The following MACC1 variants were observed in gnomAD, a reference collection of about 807,000 sequenced individuals.
MACC1 encodes the protein MET transcriptional regulator MACC1.
MACC1 carries 79 observed loss-of-function variants against 70.7 expected under a neutral mutation model. The ratio of observed to expected loss-of-function variants is 1.12; its 90% CI spans 0.93 to 1.35. The LOEUF is 1.35. MACC1 is among the 40% of genes most tolerant of loss of function. The probability of loss-of-function intolerance (pLI) is 0.00; values close to 1 mark genes in which losing one functional copy is unlikely to be tolerated. For missense variants in MACC1, 1,106 were observed against 978.1 expected, an observed-to-expected ratio of 1.13 and a Z score of -1.74; for synonymous variants, 361 against 347.2, an observed-to-expected ratio of 1.04 and a Z score of -0.44.
intron 1 of MACC1, among the ~76,000 whole-genome samples, chr7:20,174,209 C>A (rs1782358262): frequency 6.6e-6 from 1 of 152,038 alleles, no homozygotes; most frequent in Non-Finnish European, 1.5e-5. Context: ...TGTATAAAGA[C>A]AAAGAGACAG....
chr7:20,210,051 T>A (rs1432385759), intron 1 of MACC1, among the ~76,000 whole-genome samples: 1 of 152,170 alleles, frequency 6.6e-6, no homozygotes, highest in African/African-American at 2.4e-5. Flanking sequence ...AGTGAGACAA[T>A]TAAGCCTCTT....
chr7:20,139,974 A>G lies in MACC1; in HGVS notation c.*972T>C, dbSNP rs1000921037. ...AAGTTTCTGGTGGTGGTGGTTTTTA[A>G]TAACTCGTATTATTAAAAATCTCCA... On this transcript the variant is annotated 3_prime_UTR_variant, in exon 7 of 7. Coordinates refer to ENST00000400331, the MANE Select transcript of MACC1 (RefSeq NM_182762.4). 1.3e-5 allele frequency: 2 copies of G among 152,142 alleles called. No individual in the cohort carries two copies. Among genetic ancestry groups the G allele is most frequent in the African/African-American group, 4.8e-5 (2 of 41,414 alleles). 9.4% of individuals were successfully genotyped at this position (152,142 alleles called of 1,614,324 possible).
At chr7:20,175,899 A>G (rs1782384479) in intron 1 of MACC1, among the ~76,000 whole-genome samples, 1 of 152,124 alleles carries the variant, frequency 6.6e-6, no homozygotes, top group Admixed American at 6.6e-5. Flanking sequence ...AACAATAATA[A>G]AAATATTTCC....
chr7:20,179,496 T>C (rs1221267172), intron 1 of MACC1, among the ~76,000 whole-genome samples: 1 of 152,174 alleles, frequency 6.6e-6, no homozygotes, highest in Admixed American at 6.6e-5. Context: ...CCATTGGGCT[T>C]CTTAGGTCAC....
chr7:20,141,180 TG>T, intron 6 of MACC1, 22 bp from the exon 7 acceptor site: 1 of 1,483,040 alleles, frequency 6.7e-7, no homozygotes. Flanking sequence ...AAAAATAGAT[TG>T]GAGTAGTGTG....
chr7:20,200,112 A>G lies in MACC1; in HGVS notation c.-218+17187T>C, dbSNP rs895012533. On this transcript the variant is annotated intron_variant, in intron 1 of 6. Transcript: ENST00000400331. The stretch of plus-strand genomic sequence containing the variant: ...TTACAGATGAAGATAAATAAAATTC[A>G]TAATAAAATATTTATTCACAATAAA... Among the ~76,000 whole-genome samples, 7 of 152,052 alleles carry G rather than the reference A, an allele frequency of 4.6e-5. No homozygotes were observed. The South Asian group carries it at 1.0e-3, about 22-fold the overall frequency.
chr7:20,145,316 C>T (rs1221194049), intron 6 of MACC1, among the ~76,000 whole-genome samples: 1 of 151,974 alleles, frequency 6.6e-6, no homozygotes, highest in Non-Finnish European at 1.5e-5. Flanking sequence ...TTGGAGAAGG[C>T]AGTTTCAAGA....
At chr7:20,189,012 T>G (rs1354583078) in intron 1 of MACC1, among the ~76,000 whole-genome samples, 1 of 152,176 alleles carries the variant, frequency 6.6e-6, no homozygotes, top group African/African-American at 2.4e-5. Context: ...GGCCTTACCT[T>G]TCATTTCTTG....
chr7:20,187,545 C>G (rs1002538155), intron 1 of MACC1, among the ~76,000 whole-genome samples: 1 of 152,132 alleles, frequency 6.6e-6, no homozygotes, highest in African/African-American at 2.4e-5. Flanking sequence ...TCGTGCATGC[C>G]CCTTTACTCC....
intron 3 of MACC1, among the ~76,000 whole-genome samples, 171 bp from the exon 4 acceptor site, chr7:20,162,041 T>G (rs969672856): frequency 6.6e-6 from 1 of 152,028 alleles, no homozygotes; most frequent in African/African-American, 2.4e-5. Flanking sequence ...AAATATGTGT[T>G]AGCACTCCAC....
At chr7:20,211,445 A>C (rs1381900050) in intron 1 of MACC1, among the ~76,000 whole-genome samples, 1 of 152,152 alleles carries the variant, frequency 6.6e-6, no homozygotes, top group Admixed American at 6.5e-5. Flanking sequence ...CCTGTGGAAA[A>C]GTCAGTCAAT....
In MACC1 at chr7:20,135,181, T is replaced by C. The variant is rs1039421146; in HGVS notation, c.*5765A>G. ...CAAATGCAATGTTACATATATTTTG[T>C]AAAATTATCTTAAAATTATACTGAA... On this transcript the variant is annotated 3_prime_UTR_variant, in exon 7 of 7. Transcript: ENST00000400331. 1 of 152,262 alleles carries C rather than the reference T, an allele frequency of 6.6e-6. No homozygotes were observed. Among genetic ancestry groups the C allele is most frequent in the African/African-American group, 2.4e-5 (1 of 41,474 alleles). 9.4% of individuals were successfully genotyped at this position (152,262 alleles called of 1,614,324 possible). A position where few individuals can be genotyped will look rare whatever the true frequency, so the allele number is the denominator to read the frequency against.
intron 1 of MACC1, among the ~76,000 whole-genome samples, chr7:20,202,911 G>A (rs1782853936): frequency 6.6e-6 from 1 of 152,166 alleles, no homozygotes; most frequent in Non-Finnish European, 1.5e-5. Flanking sequence ...TCCATAGATT[G>A]TATGTTGTCT....
At chr7:20,172,765 C>G (rs1481179000) in intron 1 of MACC1, among the ~76,000 whole-genome samples, 2 of 152,228 alleles carry the variant, frequency 1.3e-5, no homozygotes, top group Non-Finnish European at 2.9e-5. Flanking sequence ...AGAAGGAGCT[C>G]TTCCTCTCCT....
At chr7:20,160,598 T>C (rs1371088842) in intron 4 of MACC1, among the ~76,000 whole-genome samples, 2 of 152,128 alleles carry the variant, frequency 1.3e-5, no homozygotes, top group African/African-American at 4.8e-5. Flanking sequence ...TTATTTTATG[T>C]ATCATGTTTA....
rs1469039859 is a variant in MACC1, at chr7:20,139,856, ACACACATGTGTTTGCATGAG to A, written c.*1070_*1089del. On this transcript the variant is annotated 3_prime_UTR_variant, in exon 7 of 7. Coordinates refer to ENST00000400331, the MANE Select transcript of MACC1 (RefSeq NM_182762.4). ...CACACACACACACACACACACACAC[ACACACATGTGTTTGCATGAG>A]CATGCCAACATAAAGATATCAGTGT... The A allele has an allele frequency of 6.6e-6, 1 of 151,128 alleles. No individual in the cohort carries two copies. The highest frequency in any genetic ancestry group is 1.5e-5 in the Non-Finnish European group (1 of 68,166). The allele number at this position is 151,128 out of a possible 1,614,324, so 9.4% of individuals were successfully genotyped here.
Position 20,175,107 on chromosome 7 carries a change from A to G in MACC1, c.-217-4329T>C, listed in dbSNP as rs1025206127. 4.6e-5 allele frequency among the ~76,000 whole-genome samples: 7 copies of G among 152,068 alleles called. No homozygotes were observed. In the East Asian group the frequency reaches 5.8e-4, roughly 13 times the overall value. ...TGACTTGGCCTCTGTTTCTATATTT[A>G]TGGTTAGAAAGATATCATCTACTCT... On this transcript the variant is annotated intron_variant, in intron 1 of 6. Transcript: ENST00000400331.
Position 20,140,884 on chromosome 7 carries a change from GACAC to G in MACC1, c.*58_*61del, listed in dbSNP as rs55989776. 34 of 984,560 alleles carry G rather than the reference GACAC, an allele frequency of 3.5e-5. No individual in the cohort carries two copies. Among genetic ancestry groups the G allele is most frequent in the Admixed American group, 4.2e-5 (2 of 47,992 alleles). The allele number at this position is 984,560 out of a possible 1,614,324, so 61.0% of individuals were successfully genotyped here. A position where few individuals can be genotyped will look rare whatever the true frequency, so the allele number is the denominator to read the frequency against. On this transcript the variant is annotated 3_prime_UTR_variant, in exon 7 of 7. Coordinates refer to ENST00000400331, the MANE Select transcript of MACC1 (RefSeq NM_182762.4). ...ACAGAGACACACACAGACACACACA[GACAC>G]ACACACACACACACCATTACCTCAT...
chr7:20,158,594 A>T lies in MACC1; in HGVS notation c.1767T>A (p.Ile589=). 1 of 1,614,022 alleles carries T rather than the reference A, an allele frequency of 6.2e-7. No individual in the cohort carries two copies. The highest frequency in any genetic ancestry group is 1.1e-5 in the South Asian group (1 of 91,046). The change falls in exon 5 of 7, where the codon ATT becomes ATA. Residue 589 remains isoleucine, a synonymous_variant. Transcript: ENST00000400331. ...ALLGEGKVKA[I]GQSKVKEWYV... ...ACCATTCTTTCACTTTGGACTGACC[A>T]ATAGCTTTTACCTTACCTTCCCCGA...
Sources: gnomAD v4.1 joint callset for allele counts (sites outside exome capture counted in the v4.1 genomes callset) on GRCh38, gnomAD v4.1.1 for gene constraint, MANE v1.5 for transcripts, NCBI Gene and HGNC (gene_info 2026-07-23, HGNC 2026-07-21) for gene names.